Variants in LCA5 observed in about 807,000 individuals in gnomAD.
LCA5 encodes lebercilin LCA5, also known as lebercilin.
Under a neutral mutation model 53.0 loss-of-function variants are expected in LCA5, and 37 were observed. The ratio of observed to expected loss-of-function variants is 0.70; its 90% confidence interval spans 0.54 to 0.92. The LOEUF (loss-of-function observed/expected upper bound fraction) is 0.92. Ranked by LOEUF, LCA5 falls within the 40% of genes least tolerant of loss-of-function variation. The pLI, the probability that LCA5 is intolerant of heterozygous loss-of-function variation, is 0.00. For missense variants in LCA5, 806 were observed against 790.5 expected, an observed-to-expected ratio of 1.02 and a Z score of -0.23; for synonymous variants, 303 against 282.9, an observed-to-expected ratio of 1.07 and a Z score of -0.71.
At chr6:79,505,346 A>G (rs916339142) in intron 3 of LCA5, among the ~76,000 whole-genome samples, 2 of 152,232 alleles carry the variant, frequency 1.3e-5, no homozygotes, top group African/African-American at 4.8e-5. Flanking sequence ...AAAAATTAGT[A>G]GAATCTCAAT....
intron 1 of LCA5, among the ~76,000 whole-genome samples, chr6:79,532,648 T>C (rs1582658967): frequency 6.6e-6 from 1 of 152,280 alleles, no homozygotes; most frequent in Middle Eastern, 3.4e-3. Context: ...TTCTTCCTGT[T>C]CTCAGCACAA....
At chr6:79,501,785 T>C (rs933006241) in intron 3 of LCA5, among the ~76,000 whole-genome samples, 2 of 150,988 alleles carry the variant, frequency 1.3e-5, no homozygotes, top group African/African-American at 4.9e-5. Flanking sequence ...TTCTATATAG[T>C]TCTCTCTATA....
intron 6 of LCA5, 72 bp downstream of exon 6, chr6:79,491,516 A>C (rs1769840956): frequency 1.3e-6 from 2 of 1,517,078 alleles, no homozygotes; most frequent in South Asian, 2.3e-5. Flanking sequence ...TGAAATTTTA[A>C]AATGTCTGAT....
At chr6:79,522,226 A>C (rs1170844462) in intron 1 of LCA5, among the ~76,000 whole-genome samples, 1 of 152,146 alleles carries the variant, frequency 6.6e-6, no homozygotes, top group African/African-American at 2.4e-5. Context: ...ATAAAAAATA[A>C]AATATTAAAA....
chr6:79,514,711 G>A lies in LCA5; in HGVS notation c.191-970C>T, dbSNP rs74558650. ...AAAGAATGAGATCATGTTCTTTGCAGGTTCGTGAATGGAACTGGAGGCCAT... is the reference window on the plus strand; with the variant it reads ...AAAGAATGAGATCATGTTCTTTGCAAGTTCGTGAATGGAACTGGAGGCCAT... On this transcript the variant is annotated intron_variant, in intron 2 of 7. Transcript: ENST00000369846. Among the ~76,000 whole-genome samples the A allele has an allele frequency of 3.9e-4, 60 of 152,250 alleles. 1 individual carries two copies. The highest frequency in any genetic ancestry group is 6.2e-4 in the South Asian group (3 of 4,828).
At chr6:79,509,453 CAAA>C (rs55961532) in intron 3 of LCA5, among the ~76,000 whole-genome samples, 2 of 84,260 alleles carry the variant, frequency 2.4e-5, no homozygotes, top group Admixed American at 1.2e-4. Context: ...GACTCCGTCT[CAAA>C]AAAAAAAAAA....
intron 2 of LCA5, among the ~76,000 whole-genome samples, chr6:79,514,666 G>C (rs1335066057): frequency 5.3e-5 from 8 of 152,126 alleles, no homozygotes; most frequent in Non-Finnish European, 1.2e-4. Context: ...ATACACCATG[G>C]AATACTATAC....
intron 3 of LCA5, among the ~76,000 whole-genome samples, chr6:79,499,068 G>A (rs1770060952): frequency 6.6e-6 from 1 of 152,044 alleles, no homozygotes; most frequent in Non-Finnish European, 1.5e-5. Context: ...CAAAGAACGA[G>A]AGTAGTTTCA....
In LCA5 at chr6:79,493,340, C is replaced by T. The variant is rs1769892274; in HGVS notation, c.858+273G>A. ...CATGCAACACAGTGAAGCTCTAGTT[C>T]CCATAATTTTCTTCTATGATTTTAC... On this transcript the variant is annotated intron_variant, in intron 4 of 7. Transcript: ENST00000369846. Among the ~76,000 whole-genome samples, 4 of 152,226 alleles carry T rather than the reference C, an allele frequency of 2.6e-5. No homozygotes were observed. The South Asian group carries it at 6.2e-4, about 24-fold the overall frequency.
chr6:79,488,406 A>C (rs9443674), intron 7 of LCA5: 2,971 of 153,838 alleles, frequency 0.019, 86 homozygotes, highest in African/African-American at 0.066. Flanking sequence ...CTCTCTCTCT[A>C]TATATATATG....
intron 1 of LCA5, among the ~76,000 whole-genome samples, chr6:79,534,764 G>T (rs1208130674): frequency 6.6e-6 from 1 of 152,056 alleles, no homozygotes; most frequent in Non-Finnish European, 1.5e-5. Context: ...GGGTAAATGA[G>T]GTTAGAAAAA....
rs201169664 is a variant in LCA5 at position 79,527,449 on chromosome 6, A to G, written c.-191-8364T>C. On this transcript the variant is annotated intron_variant, in intron 1 of 7. Coordinates refer to ENST00000369846, the MANE Select transcript of LCA5 (RefSeq NM_001122769.3). ...AACCAAGATGGTAGCACCACAAACT[A>G]TAAGATTTAATACCTGCCCGGTCTT... 5.9e-5 allele frequency among the ~76,000 whole-genome samples: 9 copies of G among 152,314 alleles called. 1 individual carries two copies. In the East Asian group the frequency reaches 1.7e-3, roughly 29 times the overall value.
chr6:79,493,134 A>T (rs1769887824), intron 4 of LCA5, among the ~76,000 whole-genome samples: 1 of 152,174 alleles, frequency 6.6e-6, no homozygotes, highest in Non-Finnish European at 1.5e-5. Context: ...TTTGTGCAAA[A>T]TTTCATTCTA....
At chr6:79,515,001 CAT>C (rs931626015) in intron 2 of LCA5, among the ~76,000 whole-genome samples, 3 of 151,802 alleles carry the variant, frequency 2.0e-5, no homozygotes, top group East Asian at 1.9e-4. Context: ...ACATCCTGCA[CAT>C]GTGTCCTTGA....
In LCA5 at chr6:79,492,587, G is replaced by C. The variant is rs139892282; in HGVS notation, c.919C>G (p.Pro307Ala). ...IYSNRLPKSS[P>A]NKEKELALRK... Reference sequence around the variant, plus strand: ...AATGCAAGTTCTTTCTCTTTATTTGGAGAGGACTTTGGCAGACGATTAGAA... The same window carrying C: ...AATGCAAGTTCTTTCTCTTTATTTGCAGAGGACTTTGGCAGACGATTAGAA... The change falls in exon 5 of 8, where the codon CCA (proline) becomes GCA (alanine). Residue 307 changes from proline to alanine, a missense_variant. Transcript: ENST00000369846. The C allele has an allele frequency of 1.6e-4, 258 of 1,569,644 alleles. 1 individual carries two copies. In the African/African-American group the frequency reaches 3.0e-3, roughly 18 times the overall value.
chr6:79,533,922 C>T (rs9361538), intron 1 of LCA5, among the ~76,000 whole-genome samples: 14,182 of 151,592 alleles, frequency 0.094, 1,481 homozygotes, highest in East Asian at 0.55. Flanking sequence ...ACAAAACAGA[C>T]AACTAGGCAA....
At chr6:79,525,600 A>G (rs530296713) in intron 1 of LCA5, among the ~76,000 whole-genome samples, 4 of 152,346 alleles carry the variant, frequency 2.6e-5, no homozygotes, top group African/African-American at 4.8e-5. Flanking sequence ...AAAGGGATCA[A>G]AGAGTCCATT....
At chr6:79,533,549 C>G (rs571562965) in intron 1 of LCA5, among the ~76,000 whole-genome samples, 1 of 151,038 alleles carries the variant, frequency 6.6e-6, no homozygotes, top group Non-Finnish European at 1.5e-5. Flanking sequence ...AAATCTAATA[C>G]TTGACATTGT....
At chr6:79,538,395 C>A (rs1173394232), upstream of LCA5, among the ~76,000 whole-genome samples, 1 of 152,162 alleles carries the variant, frequency 6.6e-6, no homozygotes, top group African/African-American at 2.4e-5. Flanking sequence ...TCAAAGCTTT[C>A]ATTTTATCCT....
Sources: allele counts gnomAD v4.1 joint callset (sites outside exome capture counted in the v4.1 genomes callset), GRCh38; gene constraint gnomAD v4.1.1; transcripts MANE v1.5; gene names NCBI Gene and HGNC (gene_info 2026-07-23, HGNC 2026-07-21).